HPS1: variants seen among roughly 807,000 people sequenced by gnomAD.
The protein encoded by HPS1 is BLOC-3 complex member HPS1.
A neutral mutation model predicts 90.6 loss-of-function variants in HPS1; 59 were observed. The observed-to-expected ratio is 0.65, with a 90% CI of 0.53 to 0.81. The LOEUF is 0.81. HPS1 is among the 30% of genes least tolerant of loss of function. HPS1 has a pLI of 0.00. For synonymous variants in HPS1, 388 were observed against 384.4 expected (o/e 1.01, Z -0.11); for missense variants, 849 against 896.7 (o/e 0.95, Z 0.68).
In HPS1 at chr10:98,431,318, G is replaced by A. The variant is rs780901611; in HGVS notation, c.508-27C>T. On this transcript the variant is annotated intron_variant, in intron 6 of 19. Coordinates refer to ENST00000361490, the MANE Select transcript of HPS1 (RefSeq NM_000195.5). ...TAGCCAGGGCAGGAAGGGAGAGGAA[G>A]CCATATCACCAACAACCTTGCCCCA... The A allele has an allele frequency of 3.1e-6, 5 of 1,611,730 alleles. No homozygotes were observed. In the African/African-American group the frequency reaches 5.3e-5, roughly 17 times the overall value.
At chr10:98,416,070 C>T (rs1426091093), downstream of HPS1, 1 of 152,300 alleles carries the variant, frequency 6.6e-6, no homozygotes, top group African/African-American at 2.4e-5. Context: ...CGCAGTGTGA[C>T]GGAAACCTGC....
Position 98,416,599 on chromosome 10 carries a change from G to C in HPS1, c.*965C>G, listed in dbSNP as rs908314729. 1 of 152,354 alleles carries C rather than the reference G, an allele frequency of 6.6e-6. No individual in the cohort carries two copies. Among genetic ancestry groups the C allele is most frequent in the Non-Finnish European group, 1.5e-5 (1 of 68,074 alleles). 9.4% of individuals were successfully genotyped at this position (152,354 alleles called of 1,614,324 possible). ...TCAAGACTAAAGACACAGAAGGCGA[G>C]GCTCCTGCATGCACAGCACACGGCC... On this transcript the variant is annotated 3_prime_UTR_variant, in exon 20 of 20. Transcript: ENST00000361490.
At chr10:98,422,316 T>A (rs1404236752) in intron 17 of HPS1, 53 bp downstream of exon 17, 1 of 1,600,588 alleles carries the variant, frequency 6.2e-7, no homozygotes, top group Non-Finnish European at 8.5e-7. Flanking sequence ...CAGGAAGGGC[T>A]ACCCAATATT....
chr10:98,414,670 G>C (rs1425583224), downstream of HPS1: 1 of 207,606 alleles, frequency 4.8e-6, no homozygotes, highest in Non-Finnish European at 9.6e-6. Flanking sequence ...CAAACCATAG[G>C]CTGAGAATGT....
intron 17 of HPS1, among the ~76,000 whole-genome samples, chr10:98,420,581 T>A (rs1317299536): frequency 6.6e-6 from 1 of 152,032 alleles, no homozygotes; most frequent in East Asian, 1.9e-4. Flanking sequence ...CCGGGTGTGG[T>A]AGCACACACC....
At chr10:98,430,729 C>G in intron 7 of HPS1, 59 bp from the exon 8 acceptor site, 1 of 1,413,312 alleles carries the variant, frequency 7.1e-7, no homozygotes, top group Non-Finnish European at 9.7e-7. Flanking sequence ...ACGGGGCAGG[C>G]AGGTTAAAGG....
At chr10:98,439,702 A>T (rs756879868) in intron 3 of HPS1, among the ~76,000 whole-genome samples, 2 of 152,154 alleles carry the variant, frequency 1.3e-5, no homozygotes, top group Non-Finnish European at 2.9e-5. Context: ...ATGAATTATG[A>T]CTTTGGGGAA....
At chr10:98,437,465 G>A (rs1847505403) in intron 3 of HPS1, among the ~76,000 whole-genome samples, 1 of 152,216 alleles carries the variant, frequency 6.6e-6, no homozygotes, top group Admixed American at 6.5e-5. Flanking sequence ...GACCACGCAT[G>A]ATAGTGGCCC....
Position 98,423,733 on chromosome 10 carries a change from G to C in HPS1, c.1532+20C>G. The stretch of plus-strand genomic sequence containing the variant: ...CCCCAGACCCTGCCCTGGCCACCCA[G>C]GGGGCCGCACTGCACTTACCGCATG... On this transcript the variant is annotated intron_variant, in intron 15 of 19. Coordinates refer to ENST00000361490, the MANE Select transcript of HPS1 (RefSeq NM_000195.5). 1 of 1,614,010 alleles carries C rather than the reference G, an allele frequency of 6.2e-7. No individual in the cohort carries two copies. The highest frequency in any genetic ancestry group is 8.5e-7 in the Non-Finnish European group (1 of 1,179,994).
At chr10:98,442,431 T>C (rs1190479719) in intron 3 of HPS1, 1 of 155,374 alleles carries the variant, frequency 6.4e-6, no homozygotes, top group Non-Finnish European at 1.4e-5. Context: ...CTTATCAAAT[T>C]ATGCACTTTA....
rs1223831637 is a variant in HPS1 at position 98,435,240 on chromosome 10, A to G, written c.398+32T>C. The G allele has an allele frequency of 6.2e-7, 1 of 1,613,546 alleles. No individual in the cohort carries two copies. The highest frequency in any genetic ancestry group is 8.5e-7 in the Non-Finnish European group (1 of 1,180,004). On this transcript the variant is annotated intron_variant, in intron 5 of 19. Coordinates refer to ENST00000361490, the MANE Select transcript of HPS1 (RefSeq NM_000195.5). This position sits in a 1 kb window ranked among gnomAD's most constrained non-coding sequence, Gnocchi z 4.3. ...CCTGGCCCAGCGAGGGTGCTCGGCA[A>G]AGGACAGAGGGGACCAGCTTTGAAG...
intron 5 of HPS1, chr10:98,434,995 A>T: frequency 2.1e-6 from 1 of 484,112 alleles, no homozygotes; most frequent in Non-Finnish European, 3.8e-6. Context: ...CACTGGACTG[A>T]GAGTCCTGAG....
chr10:98,417,742 AG>A lies in HPS1; in HGVS notation c.1941-17del. 1 of 1,612,906 alleles carries A rather than the reference AG, an allele frequency of 6.2e-7. No individual in the cohort carries two copies. The highest frequency in any genetic ancestry group is 8.5e-7 in the Non-Finnish European group (1 of 1,179,408). On this transcript the variant is annotated splice_polypyrimidine_tract_variant and intron_variant, in intron 19 of 19. Coordinates refer to ENST00000361490, the MANE Select transcript of HPS1 (RefSeq NM_000195.5). The surrounding 1 kb of genome is among the most constrained non-coding windows in gnomAD (Gnocchi z 4.2). ...CAGGAGCTTCCTGGGGAGGAAGGGG[AG>A]GATGGGATTCAGGAGTGAGGCTGTG...
intron 9 of HPS1, 24 bp downstream of exon 9, chr10:98,429,767 C>T: frequency 6.2e-7 from 1 of 1,613,806 alleles, no homozygotes; most frequent in Non-Finnish European, 8.5e-7. Context: ...CTGCCCCTGA[C>T]TCCACGAAGT....
downstream of HPS1, chr10:98,414,273 G>A (rs1843895281): frequency 6.6e-6 from 1 of 152,074 alleles, no homozygotes; most frequent in Non-Finnish European, 1.5e-5. Context: ...AGACCCAGTT[G>A]GCAATCATGC....
chr10:98,421,739 G>A (rs1470314683), intron 17 of HPS1, among the ~76,000 whole-genome samples: 4 of 152,138 alleles, frequency 2.6e-5, no homozygotes, highest in South Asian at 2.1e-4. Context: ...TATTTGATAC[G>A]TATCCTCTCA....
At chr10:98,432,615 C>T (rs11599208) in intron 6 of HPS1, among the ~76,000 whole-genome samples, 19,442 of 152,126 alleles carry the variant, frequency 0.13, 1,504 homozygotes, top group South Asian at 0.22. Flanking sequence ...AATATCTGTA[C>T]GTGTTCTTTT....
At chr10:98,418,591 C>T (rs566756732) in intron 18 of HPS1, among the ~76,000 whole-genome samples, 1 of 152,312 alleles carries the variant, frequency 6.6e-6, no homozygotes, top group African/African-American at 2.4e-5. Flanking sequence ...AGGCCCAAGC[C>T]TCTGCTCTGA....
chr10:98,423,384 A>T (rs1447499759), intron 16 of HPS1, among the ~76,000 whole-genome samples: 1 of 145,748 alleles, frequency 6.9e-6, no homozygotes, highest in African/African-American at 2.6e-5. Flanking sequence ...TAACTTTGGG[A>T]CAGGAGGAAT....
Sources: gnomAD v4.1 joint callset for allele counts (sites outside exome capture counted in the v4.1 genomes callset) on GRCh38, gnomAD v4.1.1 for gene constraint, Gnocchi (gnomAD v3.1) non-coding constraint, MANE v1.5 for transcripts, NCBI Gene and HGNC (gene_info 2026-07-23, HGNC 2026-07-21) for gene names.